The following DDX6 variants were observed in gnomAD, a reference collection of about 807,000 sequenced individuals.
DDX6 encodes DEAD-box helicase 6, also known as probable ATP-dependent RNA helicase DDX6.
DDX6 carries 7 observed loss-of-function variants against 60.6 expected under a neutral mutation model. The observed-to-expected ratio is 0.12, with a 90% CI of 0.07 to 0.22. DDX6 has a LOEUF of 0.22. Ranked by LOEUF, DDX6 falls within the 10% of genes least tolerant of loss-of-function variation. The pLI, the probability that DDX6 is intolerant of heterozygous loss-of-function variation, is 1.00. For missense variants in DDX6, 270 were observed against 589.9 expected (o/e 0.46, Z 5.62); for synonymous variants, 207 against 201.0 (o/e 1.03, Z -0.25).
At chr11:118,779,970 A>G (rs1861835306) in intron 3 of DDX6, among the ~76,000 whole-genome samples, 1 of 151,916 alleles carries the variant, frequency 6.6e-6, no homozygotes, top group Non-Finnish European at 1.5e-5. Context: ...ACAAAAAATT[A>G]GCCAGGGTGG....
Position 118,758,789 on chromosome 11 carries a change from G to A in DDX6, c.978C>T (p.Asn326=). The A allele has an allele frequency of 5.0e-6, 8 of 1,613,810 alleles. No homozygotes were observed. Among genetic ancestry groups the A allele is most frequent in the Non-Finnish European group, 6.8e-6 (8 of 1,179,788 alleles). The change falls in exon 9 of 14, where the codon AAC becomes AAT. Residue 326 remains asparagine, a synonymous_variant. Transcript: ENST00000534980. ...TACTTCTTACCCTGGAGAAAAGTGTGTTGAGGCAGTGTACTTTTTGGCGCT... is the reference window on the plus strand; with the variant it reads ...TACTTCTTACCCTGGAGAAAAGTGTATTGAGGCAGTGTACTTTTTGGCGCT... ...VTERQKVHCL[N]TLFSRLQINQ... is the part of the protein sequence containing the mutation.
rs540251800 is a variant in DDX6 at position 118,786,802 on chromosome 11, T to A, written c.-267-284A>T. 3 of 152,666 alleles carry A rather than the reference T, an allele frequency of 2.0e-5. No individual in the cohort carries two copies. In the Admixed American group the frequency reaches 2.0e-4, roughly 10 times the overall value. The allele number at this position is 152,666 out of a possible 1,614,324, so 9.5% of individuals were successfully genotyped here. A position where few individuals can be genotyped will look rare whatever the true frequency, so the allele number is the denominator to read the frequency against. On this transcript the variant is annotated intron_variant, in intron 1 of 13. Transcript: ENST00000534980. ...AGCACTACTCGTCAATGATAATCTCTTCTCTTCAGTTTCCTCCCCATGAAT... is the reference window on the plus strand; with the variant it reads ...AGCACTACTCGTCAATGATAATCTCATCTCTTCAGTTTCCTCCCCATGAAT...
In DDX6 at chr11:118,754,819, T is replaced by C. The variant is rs374184056; in HGVS notation, c.1345A>G (p.Ile449Val). ...ATTTCTGTTCCCAGCTGCTCCTCAA[T>C]ACTTTTCAGGTTGAAGCGATCATCA... ...TYDDRFNLKS[I>V]EEQLGTEIKP... The change falls in exon 13 of 14, where the codon ATT (isoleucine) becomes GTT (valine). Residue 449 changes from isoleucine (I) to valine (V), a missense_variant. Around this residue, in one of 8 missense-constraint regions of DDX6, gnomAD observed 34 missense variants for 59.4 expected, o/e 0.57. Coordinates refer to ENST00000534980, the MANE Select transcript of DDX6 (RefSeq NM_004397.6). 4 of 1,613,866 alleles carry C rather than the reference T, an allele frequency of 2.5e-6. No homozygotes were observed. Among genetic ancestry groups the C allele is most frequent in the Non-Finnish European group, 3.4e-6 (4 of 1,179,892 alleles).
At chr11:118,781,234 CAA>C (rs1293562480) in intron 2 of DDX6, 50 bp from the exon 3 acceptor site, 9 of 1,155,754 alleles carry the variant, frequency 7.8e-6, no homozygotes, top group Non-Finnish European at 1.1e-5. Context: ...AGCATCCTAA[CAA>C]AGATGATTCA....
At chr11:118,763,073 A>G (rs1165797506) in intron 7 of DDX6, 139 bp downstream of exon 7, 1 of 552,532 alleles carries the variant, frequency 1.8e-6, no homozygotes, top group Non-Finnish European at 3.1e-6. Flanking sequence ...AACACATTTT[A>G]TAAGCAAATT....
chr11:118,783,377 C>T (rs2137544789), intron 2 of DDX6, among the ~76,000 whole-genome samples: 1 of 152,272 alleles, frequency 6.6e-6, no homozygotes, highest in Admixed American at 6.5e-5. Flanking sequence ...TTTGTAGAGA[C>T]AGGGTCTTGC....
intron 4 of DDX6, among the ~76,000 whole-genome samples, chr11:118,771,913 AC>A (rs1291859570): frequency 2.0e-5 from 3 of 152,242 alleles, no homozygotes; most frequent in Non-Finnish European, 4.4e-5. Flanking sequence ...TACCATATGA[AC>A]TAGCAATTCT....
intron 4 of DDX6, among the ~76,000 whole-genome samples, chr11:118,773,075 A>G (rs1861588088): frequency 6.6e-6 from 1 of 152,120 alleles, no homozygotes; most frequent in Non-Finnish European, 1.5e-5. Context: ...TTTTCCAATA[A>G]ATTTCCTTTT....
At position 118,767,471 on chromosome 11, in the gene DDX6, C is replaced by T. The variant is rs548217383; in HGVS notation, c.499+752G>A. On this transcript the variant is annotated intron_variant, in intron 5 of 13. Coordinates refer to ENST00000534980, the MANE Select transcript of DDX6 (RefSeq NM_004397.6). ...AACTATGAAAATTTTTTATTCCCCA[C>T]TGCCTAGGCTCTTAAAATCCCAAAA... Among the ~76,000 whole-genome samples the T allele has an allele frequency of 2.6e-5, 4 of 152,278 alleles. No individual in the cohort carries two copies. In the South Asian group the frequency reaches 6.2e-4, roughly 24 times the overall value.
chr11:118,760,114 C>A, intron 7 of DDX6, 70 bp from the exon 8 acceptor site: 2 of 1,408,248 alleles, frequency 1.4e-6, no homozygotes, highest in South Asian at 2.7e-5. Flanking sequence ...AATACATGGT[C>A]AAAGAATAAG....
intron 2 of DDX6, among the ~76,000 whole-genome samples, chr11:118,782,278 G>T (rs1392060457): frequency 6.6e-6 from 1 of 152,138 alleles, no homozygotes; most frequent in Non-Finnish European, 1.5e-5. Flanking sequence ...ATTAGCCAAT[G>T]AGCATCTCTT....
In DDX6 at chr11:118,755,518, G is replaced by A. The variant is rs782338402; in HGVS notation, c.1175-15C>T. Reference sequence around the variant, plus strand: ...GGTAAACAGATCTTAAAAAAAAAAAGATAATTTTCATTTTTTCAATTTAGA... The same window carrying A: ...GGTAAACAGATCTTAAAAAAAAAAAAATAATTTTCATTTTTTCAATTTAGA... On this transcript the variant is annotated splice_polypyrimidine_tract_variant and intron_variant, in intron 11 of 13. Coordinates refer to ENST00000534980, the MANE Select transcript of DDX6 (RefSeq NM_004397.6). 5.9e-6 allele frequency: 8 copies of A among 1,349,078 alleles called. No homozygotes were observed. Among genetic ancestry groups the A allele is most frequent in the Non-Finnish European group, 7.4e-6 (7 of 947,796 alleles). 83.6% of individuals were successfully genotyped at this position (1,349,078 alleles called of 1,614,324 possible). A position where few individuals can be genotyped will look rare whatever the true frequency, so the allele number is the denominator to read the frequency against.
Position 118,763,193 on chromosome 11 carries a change from C to T in DDX6, c.741+19G>A, listed in dbSNP as rs76789613. 1.9e-6 allele frequency: 3 copies of T among 1,548,070 alleles called. No individual in the cohort carries two copies. The highest frequency in any genetic ancestry group is 2.6e-6 in the Non-Finnish European group (3 of 1,140,452). On this transcript the variant is annotated intron_variant, in intron 7 of 13. Coordinates refer to ENST00000534980, the MANE Select transcript of DDX6 (RefSeq NM_004397.6). The stretch of plus-strand genomic sequence containing the variant: ...CAGAAAAGTACAGAACAGTATAATG[C>T]CAAATGAAGAGACATTACCTCATCC...
intron 7 of DDX6, among the ~76,000 whole-genome samples, chr11:118,762,308 T>A (rs61901405): frequency 1 from 150,675 of 150,676 alleles, 75,337 homozygotes; most frequent in Non-Finnish European, 1. Context: ...ATAATAAACC[T>A]CAACCCAAAT....
At position 118,758,906 on chromosome 11, in the gene DDX6, G is replaced by A. The variant is rs187477392; in HGVS notation, c.865-4C>T. 7 of 1,612,748 alleles carry A rather than the reference G, an allele frequency of 4.3e-6. No individual in the cohort carries two copies. Among genetic ancestry groups the A allele is most frequent in the Non-Finnish European group, 4.2e-6 (5 of 1,179,364 alleles). On this transcript the variant is annotated splice_region_variant and splice_polypyrimidine_tract_variant and intron_variant, in intron 8 of 13. Coordinates refer to ENST00000534980, the MANE Select transcript of DDX6 (RefSeq NM_004397.6). Reference sequence around the variant, plus strand: ...AGGGTTTCTGCAAATGGGAATTCTGGGGGGGGAGCGGGAAAAAGATGAGTC... The same window carrying A: ...AGGGTTTCTGCAAATGGGAATTCTGAGGGGGGAGCGGGAAAAAGATGAGTC...
chr11:118,777,626 A>G (rs999753724), intron 4 of DDX6, among the ~76,000 whole-genome samples: 1 of 152,188 alleles, frequency 6.6e-6, no homozygotes, highest in Non-Finnish European at 1.5e-5. Flanking sequence ...ACGATGGCTC[A>G]CATCTATAAT....
chr11:118,758,047 C>CT (rs1861038141), intron 9 of DDX6, among the ~76,000 whole-genome samples: 1 of 152,156 alleles, frequency 6.6e-6, no homozygotes, highest in Non-Finnish European at 1.5e-5. Flanking sequence ...AGTATGAGAG[C>CT]TAAACAAGAG....
At chr11:118,758,330 AC>A (rs2137428493) in intron 9 of DDX6, among the ~76,000 whole-genome samples, 1 of 152,252 alleles carries the variant, frequency 6.6e-6, no homozygotes, top group South Asian at 2.1e-4. Context: ...TAGGTCAACA[AC>A]TAAACCTGCC....
At chr11:118,776,057 T>A (rs1555163562) in intron 4 of DDX6, among the ~76,000 whole-genome samples, 1 of 152,130 alleles carries the variant, frequency 6.6e-6, no homozygotes, top group Non-Finnish European at 1.5e-5. Flanking sequence ...GGCAGGAGTA[T>A]CACGTGAGCC....
Sources: allele counts gnomAD v4.1 joint callset (sites outside exome capture counted in the v4.1 genomes callset), GRCh38; gene constraint gnomAD v4.1.1; regional missense constraint gnomAD v4.1.1; transcripts MANE v1.5; gene names NCBI Gene and HGNC (gene_info 2026-07-23, HGNC 2026-07-21).